Variants in CDH18 observed in about 807,000 individuals in gnomAD.
CDH18 encodes the protein cadherin-18.
CDH18 carries 31 observed loss-of-function variants against 67.9 expected under a neutral mutation model. That is an observed-to-expected ratio of 0.46 (90% CI 0.34 to 0.62). The LOEUF (loss-of-function observed/expected upper bound fraction) is 0.62, where lower values mean the gene tolerates loss of function less well. Among genes scored for constraint, CDH18 ranks in the 20% least tolerant of loss-of-function variants. The pLI is 0.01. For synonymous variants in CDH18, 362 were observed against 347.2 expected, an observed-to-expected ratio of 1.04 and a Z score of -0.48; for missense variants, 890 against 975.5, an observed-to-expected ratio of 0.91 and a Z score of 1.17.
chr5:19,746,690 T>A (rs1455018174), intron 4 of CDH18, among the ~76,000 whole-genome samples: 1 of 152,188 alleles, frequency 6.6e-6, no homozygotes, highest in Non-Finnish European at 1.5e-5. Flanking sequence ...TTCAAATTTA[T>A]ACATGTTTCT....
At chr5:20,368,580 C>A (rs1389117232) in intron 1 of CDH18, among the ~76,000 whole-genome samples, 1 of 152,098 alleles carries the variant, frequency 6.6e-6, no homozygotes, top group Non-Finnish European at 1.5e-5. Flanking sequence ...TGTGGCAGTT[C>A]TACTTTTGAA....
intron 5 of CDH18, among the ~76,000 whole-genome samples, chr5:19,699,957 A>G (rs1050910249): frequency 1.3e-5 from 2 of 152,156 alleles, no homozygotes; most frequent in African/African-American, 2.4e-5. Context: ...CTATGTAACA[A>G]AAGTGTACTT....
chr5:19,691,368 A>G (rs1270307878), intron 5 of CDH18, among the ~76,000 whole-genome samples: 1 of 151,928 alleles, frequency 6.6e-6, no homozygotes, highest in Non-Finnish European at 1.5e-5. Flanking sequence ...CCTATTCAAC[A>G]TAGTACTAAA....
intron 1 of CDH18, among the ~76,000 whole-genome samples, chr5:20,361,162 T>A (rs1742058779): frequency 1.3e-5 from 2 of 151,972 alleles, no homozygotes; most frequent in African/African-American, 4.8e-5. Flanking sequence ...ATTCATTCAT[T>A]CTTTCAAAAA....
intron 9 of CDH18, among the ~76,000 whole-genome samples, chr5:19,524,373 G>A (rs916743014): frequency 2.0e-5 from 3 of 150,122 alleles, no homozygotes; most frequent in Non-Finnish European, 3.0e-5. Context: ...TTAAATATAT[G>A]TTTACTTATC....
At chr5:20,305,150 T>G in intron 1 of CDH18, 1 of 1,463,722 alleles carries the variant, frequency 6.8e-7, no homozygotes, top group Non-Finnish European at 9.6e-7. Context: ...GCCTTTGCAC[T>G]GGTGAAGGGA....
intron 1 of CDH18, among the ~76,000 whole-genome samples, chr5:20,427,707 T>C (rs1402388361): frequency 3.3e-5 from 5 of 151,124 alleles, no homozygotes; most frequent in African/African-American, 1.2e-4. Flanking sequence ...TTTCTACTTA[T>C]TCTTTCCACT....
At chr5:19,991,977 C>T (rs1171674042), upstream of CDH18, 1 of 144,066 alleles carries the variant, frequency 6.9e-6, no homozygotes, top group African/African-American at 2.6e-5. Context: ...GAGATTGCGC[C>T]ACTGCACTCC....
intron 3 of CDH18, among the ~76,000 whole-genome samples, chr5:19,822,407 G>C (rs1414640839): frequency 6.6e-6 from 1 of 152,126 alleles, no homozygotes; most frequent in African/African-American, 2.4e-5. Flanking sequence ...TTCTATCTGG[G>C]GAAATTCAGC....
intron 5 of CDH18, among the ~76,000 whole-genome samples, chr5:19,717,381 A>C (rs1765463322): frequency 6.8e-6 from 1 of 147,658 alleles, no homozygotes; most frequent in Non-Finnish European, 1.5e-5. Context: ...GTTAAAAACT[A>C]CACTGGTCTT....
intron 1 of CDH18, among the ~76,000 whole-genome samples, chr5:20,319,140 G>A (rs1409128067): frequency 6.6e-6 from 1 of 152,106 alleles, no homozygotes; most frequent in African/African-American, 2.4e-5. Flanking sequence ...GACTTCATCT[G>A]TCATTAAGAC....
At chr5:20,401,667 C>T (rs923427368) in intron 1 of CDH18, among the ~76,000 whole-genome samples, 1 of 151,998 alleles carries the variant, frequency 6.6e-6, no homozygotes, top group Non-Finnish European at 1.5e-5. Flanking sequence ...TTCGTCTTTC[C>T]CCACACAATC....
At chr5:19,750,766 C>A (rs1390074603) in intron 3 of CDH18, among the ~76,000 whole-genome samples, 1 of 143,164 alleles carries the variant, frequency 7.0e-6, no homozygotes. Flanking sequence ...TGAAGCCCCC[C>A]CCCCCCCACT....
chr5:19,487,635 G>T (rs1740623725), intron 11 of CDH18, among the ~76,000 whole-genome samples: 1 of 152,032 alleles, frequency 6.6e-6, no homozygotes, highest in South Asian at 2.1e-4. Flanking sequence ...TTAGTTTAAT[G>T]CAGAAATAGT....
At chr5:19,582,669 T>C (rs1318120799) in intron 7 of CDH18, among the ~76,000 whole-genome samples, 1 of 152,070 alleles carries the variant, frequency 6.6e-6, no homozygotes, top group Non-Finnish European at 1.5e-5. Context: ...TCATATTTTG[T>C]AAGCAGTCCA....
chr5:20,005,548 A>C lies in CDH18; in HGVS notation c.-517-13534T>G, dbSNP rs543464843. Among the ~76,000 whole-genome samples, 26 of 151,606 alleles carry C rather than the reference A, an allele frequency of 1.7e-4. No homozygotes were observed. In the Middle Eastern group the frequency reaches 0.01, roughly 60 times the overall value. ...AGACTGTTCTTTGTCAACAATTTCTATATATATATACACATATCTACACAC... is the reference window on the plus strand; with the variant it reads ...AGACTGTTCTTTGTCAACAATTTCTCTATATATATACACATATCTACACAC... On this transcript the variant is annotated intron_variant, in intron 2 of 14. Transcript: ENST00000507958.
intron 6 of CDH18, among the ~76,000 whole-genome samples, chr5:19,600,324 C>G (rs567277720): frequency 4.0e-5 from 6 of 151,768 alleles, no homozygotes; most frequent in Admixed American, 1.3e-4. Context: ...TTGTGCACAT[C>G]TACCCTAGAA....
intron 2 of CDH18, among the ~76,000 whole-genome samples, chr5:20,062,333 T>C (rs987360878): frequency 1.3e-5 from 2 of 151,890 alleles, no homozygotes; most frequent in Admixed American, 6.6e-5. Context: ...CTTGTATTTT[T>C]AGCAGACATG....
chr5:20,111,552 T>C (rs544823137), intron 2 of CDH18, among the ~76,000 whole-genome samples: 3 of 135,784 alleles, frequency 2.2e-5, no homozygotes, highest in African/African-American at 5.6e-5. Context: ...CTTTCTTTTT[T>C]TTTTTTTTTT....
Sources: gnomAD v4.1 joint callset for allele counts (sites outside exome capture counted in the v4.1 genomes callset) on GRCh38, gnomAD v4.1.1 for gene constraint, MANE v1.5 for transcripts, NCBI Gene and HGNC (gene_info 2026-07-23, HGNC 2026-07-21) for gene names.